Variants in TPTE2 observed in about 807,000 individuals in gnomAD.
TPTE2 encodes phosphatidylinositol 3,4,5-trisphosphate 3-phosphatase TPTE2.
Under a neutral mutation model 78.6 loss-of-function variants are expected in TPTE2, and 53 were observed. The ratio of observed to expected loss-of-function variants is 0.67; its 90% CI spans 0.54 to 0.85. TPTE2 has a LOEUF of 0.85. TPTE2 is among the 40% of genes least tolerant of loss of function. The pLI is 0.00. For missense variants in TPTE2, 461 were observed against 623.0 expected (o/e 0.74, Z 2.77); for synonymous variants, 175 against 206.2 (o/e 0.85, Z 1.30).
chr13:19,461,450 A>G (rs1369822872), intron 10 of TPTE2, among the ~76,000 whole-genome samples: 2 of 151,842 alleles, frequency 1.3e-5, no homozygotes, highest in Non-Finnish European at 2.9e-5. Context: ...CATCCTCTCT[A>G]CGTAAAAATA....
chr13:19,440,947 C>T (rs1229309162), intron 13 of TPTE2, among the ~76,000 whole-genome samples: 2 of 151,628 alleles, frequency 1.3e-5, no homozygotes, highest in Admixed American at 6.6e-5. Context: ...ATTAGCTGGG[C>T]GTGGTGGCAG....
intron 10 of TPTE2, among the ~76,000 whole-genome samples, chr13:19,451,685 G>A (rs1366206863): frequency 6.6e-6 from 1 of 152,042 alleles, no homozygotes; most frequent in East Asian, 1.9e-4. Flanking sequence ...TAGCATGATT[G>A]TGTGTATGTG....
At position 19,444,332 on chromosome 13, in the gene TPTE2, A is replaced by C. The variant is rs1343402115; in HGVS notation, c.973+5744T>G. Among the ~76,000 whole-genome samples, 3 of 95,586 alleles carry C rather than the reference A, an allele frequency of 3.1e-5. No homozygotes were observed. In the South Asian group the frequency reaches 1.1e-3, roughly 34 times the overall value. The allele number at this position is 95,586 out of a possible 152,430, so 62.7% of individuals were successfully genotyped here. A position where few individuals can be genotyped will look rare whatever the true frequency, so the allele number is the denominator to read the frequency against. ...AAAAAAAAAAAAAAAAAAAAAAAAA[A>C]AAAAAAAAAAAAAAAAAAAAAAAAG... On this transcript the variant is annotated intron_variant, in intron 13 of 19. Coordinates refer to ENST00000400230, the Ensembl canonical transcript of TPTE2.
chr13:19,452,463 TA>T (rs1431203247), intron 10 of TPTE2, among the ~76,000 whole-genome samples: 1 of 152,166 alleles, frequency 6.6e-6, no homozygotes, highest in African/African-American at 2.4e-5. Flanking sequence ...GATAAATTAA[TA>T]ATTCATTAAC....
At chr13:19,554,377 AAAAT>A in the TPTE2 span, among the ~76,000 whole-genome samples, 25 of 145,216 alleles carry the variant, frequency 1.7e-4, no homozygotes, top group Non-Finnish European at 2.7e-4. Flanking sequence ...TCTGTCTCAA[AAAAT>A]AAATAAATAA....
intron 4 of TPTE2, among the ~76,000 whole-genome samples, chr13:19,477,996 G>T (rs1880079623): frequency 6.6e-6 from 1 of 152,148 alleles, no homozygotes; most frequent in African/African-American, 2.4e-5. Context: ...GCTGAGCAAT[G>T]AATCAAAATG....
upstream of TPTE2, among the ~76,000 whole-genome samples, chr13:19,506,160 CTTTTTT>C (rs71092369): frequency 3.3e-4 from 11 of 32,862 alleles, no homozygotes; most frequent in African/African-American, 4.6e-4. Flanking sequence ...GTATATAAAT[CTTTTTT>C]TTTTTTTTTT....
intron 13 of TPTE2, among the ~76,000 whole-genome samples, chr13:19,448,305 A>G (rs1213206013): frequency 2.6e-5 from 4 of 152,238 alleles, no homozygotes; most frequent in Non-Finnish European, 5.9e-5. Context: ...CATAGGCAAC[A>G]AAAGAAAAAG....
At chr13:19,538,286 G>GT (rs797011606), upstream of TPTE2, among the ~76,000 whole-genome samples, 6 of 150,706 alleles carry the variant, frequency 4.0e-5, no homozygotes, top group African/African-American at 1.5e-4. Flanking sequence ...AGTGGCGCCA[G>GT]CTCGGCTCAC....
chr13:19,460,887 A>C (rs988858272), intron 10 of TPTE2, among the ~76,000 whole-genome samples: 1 of 152,232 alleles, frequency 6.6e-6, no homozygotes, highest in African/African-American at 2.4e-5. Flanking sequence ...GCCTAAAGCC[A>C]TATGCCCTGA....
At chr13:19,430,619 T>C in intron 16 of TPTE2, 72 bp from the exon 20 acceptor site, 5 of 1,054,288 alleles carry the variant, frequency 4.7e-6, no homozygotes, top group Non-Finnish European at 7.1e-6. Context: ...CCACTTAACA[T>C]CATGGATTAA....
chr13:19,529,600 A>G (rs1870739207), intron 1 of TPTE2, among the ~76,000 whole-genome samples: 1 of 152,154 alleles, frequency 6.6e-6, no homozygotes, highest in African/African-American at 2.4e-5. Flanking sequence ...ATTTTTCAGT[A>G]GCAGATATGT....
In TPTE2 at chr13:19,465,446, G is replaced by T. The variant is rs1566052076; in HGVS notation, c.612+19C>A. The T allele has an allele frequency of 6.2e-7, 1 of 1,608,964 alleles. No homozygotes were observed. The highest frequency in any genetic ancestry group is 2.2e-5 in the East Asian group (1 of 44,838). Reference sequence around the variant, plus strand: ...CACAAAATATTTTTCTGAATCATAAGCATGTTTTGCCCACTTACCAGCCTT... The same window carrying T: ...CACAAAATATTTTTCTGAATCATAATCATGTTTTGCCCACTTACCAGCCTT... On this transcript the variant is annotated intron_variant, in intron 8 of 19. Transcript: ENST00000400230.
At chr13:19,511,381 AATAC>A (rs1869429511) in intron 1 of TPTE2, among the ~76,000 whole-genome samples, 1 of 152,242 alleles carries the variant, frequency 6.6e-6, no homozygotes, top group Non-Finnish European at 1.5e-5. Flanking sequence ...GCAAAACAAC[AATAC>A]ATAGTTTACA....
intron 3 of TPTE2, among the ~76,000 whole-genome samples, chr13:19,492,480 T>A (rs1366953181): frequency 2.0e-5 from 3 of 152,098 alleles, no homozygotes; most frequent in Non-Finnish European, 4.4e-5. Flanking sequence ...CCTTAAAAAA[T>A]TACCTACTAG....
chr13:19,533,534 A>C (rs9506138), intron 1 of TPTE2, among the ~76,000 whole-genome samples: 111,311 of 152,140 alleles, frequency 0.73, 43,632 homozygotes, highest in East Asian at 0.96. Context: ...ACAGTGAAGA[A>C]AGTGGCTCAC....
the TPTE2 span, among the ~76,000 whole-genome samples, chr13:19,552,891 A>G: frequency 3.7e-5 from 5 of 134,046 alleles, no homozygotes; most frequent in African/African-American, 1.3e-4. Flanking sequence ...AATTATAACT[A>G]CAATAATGGC....
intron 10 of TPTE2, among the ~76,000 whole-genome samples, chr13:19,460,500 G>A (rs1414072135): frequency 2.0e-5 from 3 of 152,166 alleles, no homozygotes; most frequent in Admixed American, 6.5e-5. Context: ...CTTCTAATTG[G>A]CCATCTTGCA....
chr13:19,532,948 TATG>T (rs147316547), intron 1 of TPTE2, among the ~76,000 whole-genome samples: 3,745 of 152,308 alleles, frequency 0.025, 63 homozygotes, highest in Middle Eastern at 0.051. Context: ...GAAGTCAATT[TATG>T]ATGACACCTC....
Sources: gnomAD v4.1 joint callset for allele counts (sites outside exome capture counted in the v4.1 genomes callset) on GRCh38, gnomAD v4.1.1 for gene constraint, MANE v1.5 for transcripts, NCBI Gene and HGNC (gene_info 2026-07-23, HGNC 2026-07-21) for gene names.